ZNF684: variants seen among roughly 807,000 people sequenced by gnomAD.
The protein encoded by ZNF684 is zinc finger protein 684.
ZNF684 carries 13 observed loss-of-function variants against 12.8 expected under a neutral mutation model. The ratio of observed to expected loss-of-function variants is 1.02; its 90% CI spans 0.66 to 1.62. The LOEUF (loss-of-function observed/expected upper bound fraction) is 1.62. ZNF684 is among the 40% of genes most tolerant of loss of function. The probability of loss-of-function intolerance (pLI) is 0.00; values close to 1 mark genes in which losing one functional copy is unlikely to be tolerated. For synonymous variants in ZNF684, 118 were observed against 151.8 expected (o/e 0.78, Z 1.64); for missense variants, 384 against 446.9 (o/e 0.86, Z 1.27).
intron 4 of ZNF684, among the ~76,000 whole-genome samples, chr1:40,542,454 C>T (rs1377390241): frequency 6.6e-6 from 1 of 152,122 alleles, no homozygotes; most frequent in Non-Finnish European, 1.5e-5. Flanking sequence ...TGAAATTCCC[C>T]TCCAGCTTTT....
At chr1:40,544,972 T>C (rs1646038751) in intron 4 of ZNF684, 1 of 151,828 alleles carries the variant, frequency 6.6e-6, no homozygotes, top group African/African-American at 2.4e-5. Context: ...ATCCATGGAG[T>C]AGAAGGTATT....
intron 2 of ZNF684, among the ~76,000 whole-genome samples, chr1:40,533,553 C>T (rs1225025851): frequency 6.6e-6 from 1 of 152,194 alleles, no homozygotes; most frequent in Non-Finnish European, 1.5e-5. Flanking sequence ...ATAACATTCA[C>T]AGCAGCAGCC....
intron 4 of ZNF684, 84 bp from the exon 5 acceptor site, chr1:40,546,478 T>C: frequency 7.6e-7 from 1 of 1,307,302 alleles, no homozygotes; most frequent in South Asian, 1.7e-5. Flanking sequence ...AATGAGATAC[T>C]GTATTTGAAA....
In ZNF684 at chr1:40,548,065, C is replaced by T. The variant is rs536307594; in HGVS notation, c.*605C>T. 1 of 152,074 alleles carries T rather than the reference C, an allele frequency of 6.6e-6. No homozygotes were observed. Among genetic ancestry groups the T allele is most frequent in the Non-Finnish European group, 1.5e-5 (1 of 67,998 alleles). The allele number at this position is 152,074 out of a possible 1,614,324, so 9.4% of individuals were successfully genotyped here. A position where few individuals can be genotyped will look rare whatever the true frequency, so the allele number is the denominator to read the frequency against. On this transcript the variant is annotated 3_prime_UTR_variant, in exon 5 of 5. Transcript: ENST00000372699. Reference sequence around the variant, plus strand: ...GTAAATACCAGAACAAAAAACAAGACACTAATTGAGGAGAGAAAGGCACTT... The same window carrying T: ...GTAAATACCAGAACAAAAAACAAGATACTAATTGAGGAGAGAAAGGCACTT...
intron 2 of ZNF684, among the ~76,000 whole-genome samples, chr1:40,535,595 T>G (rs1645979744): frequency 6.6e-6 from 1 of 150,996 alleles, no homozygotes; most frequent in Admixed American, 6.6e-5. Context: ...GATAGTTGTT[T>G]TTTTTTTATT....
intron 1 of ZNF684, 86 bp from the exon 2 acceptor site, chr1:40,533,056 TA>T: frequency 9.0e-7 from 1 of 1,106,286 alleles, no homozygotes; most frequent in Non-Finnish European, 1.3e-6. Context: ...TGTGGGTACT[TA>T]TGGTCTGATA....
intron 2 of ZNF684, among the ~76,000 whole-genome samples, chr1:40,537,752 A>T (rs1461018087): frequency 6.6e-6 from 1 of 152,208 alleles, no homozygotes; most frequent in Admixed American, 6.5e-5. Context: ...CAAAAAAAAA[A>T]AATAACAATT....
Position 40,533,174 on chromosome 1 carries a change from G to A in ZNF684, c.8G>A (p.Ser3Asn), listed in dbSNP as rs1206610018. 9 of 1,613,494 alleles carry A rather than the reference G, an allele frequency of 5.6e-6. No individual in the cohort carries two copies. Among genetic ancestry groups the A allele is most frequent in the Non-Finnish European group, 7.6e-6 (9 of 1,179,714 alleles). ...GTGTAAGAGCTGCAGAAAATGATCA[G>A]CTTCCAGGTAAGGTATCCATCTATT... is the stretch of plus-strand genomic sequence containing the variant. MISFQESVTFQDV... is the reference protein window; with the variant it reads MINFQESVTFQDV... The change falls in exon 2 of 5, where the codon AGC becomes AAC. Residue 3 changes from serine to asparagine, a missense_variant. Ser to Asn is a conservative substitution (Grantham distance 46). Transcript: ENST00000372699.
chr1:40,545,914 T>A (rs1334313308), intron 4 of ZNF684, among the ~76,000 whole-genome samples: 1 of 133,470 alleles, frequency 7.5e-6, no homozygotes, highest in Admixed American at 8.5e-5. Context: ...TGTCTCCTTT[T>A]CTTTTTTTTT....
intron 2 of ZNF684, among the ~76,000 whole-genome samples, chr1:40,539,712 A>C (rs1197346333): frequency 6.6e-6 from 1 of 151,830 alleles, no homozygotes; most frequent in Non-Finnish European, 1.5e-5. Context: ...ACTAATAATT[A>C]ATGATTTTGA....
At chr1:40,538,057 T>C (rs1570108178) in intron 2 of ZNF684, among the ~76,000 whole-genome samples, 1 of 152,240 alleles carries the variant, frequency 6.6e-6, no homozygotes, top group East Asian at 1.9e-4. Context: ...TGAGGCAGGG[T>C]CTCACTGTGT....
chr1:40,541,404 C>CG (rs1646014861), intron 3 of ZNF684: 1 of 377,950 alleles, frequency 2.6e-6, no homozygotes, highest in African/African-American at 2.1e-5. Flanking sequence ...AGGATGGTCT[C>CG]GATCTCCTGA....
At chr1:40,540,823 C>A in intron 3 of ZNF684, 111 bp downstream of exon 3, 1 of 1,127,236 alleles carries the variant, frequency 8.9e-7, no homozygotes, top group Non-Finnish European at 1.2e-6. Context: ...CTTATAATCC[C>A]AGCACTTTGG....
intron 2 of ZNF684, among the ~76,000 whole-genome samples, chr1:40,533,999 T>A (rs1645971304): frequency 6.6e-6 from 1 of 151,776 alleles, no homozygotes; most frequent in Admixed American, 6.6e-5. Context: ...AATTTTTGTG[T>A]TTTTAGTAGA....
Position 40,546,740 on chromosome 1 carries a change from T to A in ZNF684, c.417T>A (p.Cys139Ter). 6.2e-7 allele frequency: 1 copy of A among 1,613,924 alleles called. No individual in the cohort carries two copies. Among genetic ancestry groups the A allele is most frequent in the African/African-American group, 1.3e-5 (1 of 75,050 alleles). ...AATCATATAAATCGTTTGAGAAGTG[T>A]TTGCCACCTAATTTAGACTTACTTA... ...RKKSYKSFEK[C>*]LPPNLDLLKY... Residue 139 changes from cysteine (C) to a stop codon, truncating the protein, a stop_gained, in exon 5 of 5, where the codon TGT becomes TGA. Transcript: ENST00000372699. LOFTEE classifies it low-confidence loss of function (END_TRUNC).
chr1:40,531,699 CG>C lies in ZNF684; in HGVS notation c.-110del, dbSNP rs1645959094. 6.6e-6 allele frequency: 1 copy of C among 152,232 alleles called. No homozygotes were observed. Among genetic ancestry groups the C allele is most frequent in the Non-Finnish European group, 1.5e-5 (1 of 68,086 alleles). The allele number at this position is 152,232 out of a possible 1,614,324, so 9.4% of individuals were successfully genotyped here. A position where few individuals can be genotyped will look rare whatever the true frequency, so the allele number is the denominator to read the frequency against. The stretch of plus-strand genomic sequence containing the variant: ...AAATCAGCGCCGCGGGAAGTGCGGG[CG>C]GGTGTTGCTCCCCTGTCTCTGGACG... On this transcript the variant is annotated 5_prime_UTR_variant, in exon 1 of 5. Coordinates refer to ENST00000372699, the MANE Select transcript of ZNF684 (RefSeq NM_152373.4).
At chr1:40,532,645 CA>C (rs533666037) in intron 1 of ZNF684, among the ~76,000 whole-genome samples, 17 of 140,104 alleles carry the variant, frequency 1.2e-4, no homozygotes, top group African/African-American at 2.9e-4. Flanking sequence ...TCCAGCTTAA[CA>C]AAAAAAAAAT....
intron 1 of ZNF684, among the ~76,000 whole-genome samples, chr1:40,532,865 A>G (rs1267331192): frequency 6.6e-6 from 1 of 152,178 alleles, no homozygotes; most frequent in Non-Finnish European, 1.5e-5. Flanking sequence ...AAAAAAAATA[A>G]CTGTTTCAAG....
intron 4 of ZNF684, among the ~76,000 whole-genome samples, chr1:40,545,415 G>T (rs184135064): frequency 6.6e-6 from 1 of 152,254 alleles, no homozygotes; most frequent in Non-Finnish European, 1.5e-5. Flanking sequence ...GCTGAAGACT[G>T]GTTTGTTAGA....
Sources: allele counts gnomAD v4.1 joint callset (sites outside exome capture counted in the v4.1 genomes callset), GRCh38; gene constraint gnomAD v4.1.1; transcripts MANE v1.5; gene names NCBI Gene and HGNC (gene_info 2026-07-23, HGNC 2026-07-21).